Variants in ADGRD1 observed in about 807,000 individuals in gnomAD.
ADGRD1 encodes G-protein coupled receptor 133.
A neutral mutation model predicts 113.4 loss-of-function variants in ADGRD1; 77 were observed. That is an observed-to-expected ratio of 0.68 (90% confidence interval 0.57 to 0.82). The LOEUF is 0.82. ADGRD1 is among the 40% of genes least tolerant of loss of function. The pLI is 0.00. For synonymous variants in ADGRD1, 474 were observed against 475.0 expected (o/e 1.00, Z 0.03); for missense variants, 1,036 against 1,139.1 (o/e 0.91, Z 1.30).
intron 12 of ADGRD1, among the ~76,000 whole-genome samples, chr12:131,011,331 C>G (rs191750978): frequency 6.6e-6 from 1 of 151,754 alleles, no homozygotes; most frequent in South Asian, 2.1e-4. Context: ...CACGTGTTCC[C>G]GGAGCGGAAT....
Position 130,982,047 on chromosome 12 carries a change from C to G in ADGRD1, c.474C>G (p.Ala158=). 1 of 1,613,594 alleles carries G rather than the reference C, an allele frequency of 6.2e-7. No homozygotes were observed. Among genetic ancestry groups the G allele is most frequent in the Non-Finnish European group, 8.5e-7 (1 of 1,179,782 alleles). The change falls in exon 5 of 25, where the codon GCC becomes GCG. Residue 158 remains alanine (A), a synonymous_variant. Transcript: ENST00000261654. The stretch of plus-strand genomic sequence containing the variant: ...GGGACAATTCCATGACATGGGAGGC[C>G]TCCTTCAGCCCCCCAGGTGAGTGAC... ...YTRDNSMTWE[A]SFSPPGPYWT...
intron 17 of ADGRD1, 50 bp downstream of exon 17, chr12:131,105,915 C>G: frequency 1.5e-6 from 2 of 1,331,672 alleles, no homozygotes; most frequent in South Asian, 2.5e-5. Flanking sequence ...CTTGCCTCCT[C>G]GGATGTCACC....
chr12:130,964,052 T>C (rs879419867), intron 2 of ADGRD1, among the ~76,000 whole-genome samples: 13 of 152,204 alleles, frequency 8.5e-5, no homozygotes, highest in Non-Finnish European at 1.9e-4. Context: ...TATTTATACG[T>C]AATTTTTATT....
At chr12:131,048,800 G>C (rs1045202331) in intron 13 of ADGRD1, among the ~76,000 whole-genome samples, 3 of 152,222 alleles carry the variant, frequency 2.0e-5, no homozygotes, top group African/African-American at 7.2e-5. Flanking sequence ...CCAGGAGCCA[G>C]GTCCCTCCTG....
chr12:131,008,898 G>A (rs963555719), intron 12 of ADGRD1, among the ~76,000 whole-genome samples: 7 of 152,212 alleles, frequency 4.6e-5, no homozygotes, highest in Non-Finnish European at 8.8e-5. Flanking sequence ...AGGTGGACCC[G>A]GCTCAGCGTG....
chr12:130,979,464 G>A lies in ADGRD1; in HGVS notation c.311-2420G>A, dbSNP rs144000328. Among the ~76,000 whole-genome samples the A allele has an allele frequency of 3.2e-3, 484 of 152,268 alleles. 1 individual carries two copies. The highest frequency in any genetic ancestry group is 0.011 in the African/African-American group (455 of 41,544). On this transcript the variant is annotated intron_variant, in intron 4 of 24. Transcript: ENST00000261654. Reference sequence around the variant, plus strand: ...TCTAACAGATATGTTAATTCATAAGGCATCACAGAAAGCATGGTGGGCAAT... The same window carrying A: ...TCTAACAGATATGTTAATTCATAAGACATCACAGAAAGCATGGTGGGCAAT...
rs966290657 is a variant in ADGRD1, at chr12:131,075,476, C to T, written c.1474-1325C>T. 1.3e-5 allele frequency among the ~76,000 whole-genome samples: 2 copies of T among 152,140 alleles called. No homozygotes were observed. Among genetic ancestry groups the T allele is most frequent in the African/African-American group, 4.8e-5 (2 of 41,426 alleles). On this transcript the variant is annotated intron_variant, in intron 13 of 24. Transcript: ENST00000261654. This position sits in a 1 kb window ranked among gnomAD's most constrained non-coding sequence, Gnocchi z 5.3. Reference sequence around the variant, plus strand: ...GTCTTTTCCAGGCGGTTTTAAGAGACCCTGTGATGGATTAAAATAACCCTA... The same window carrying T: ...GTCTTTTCCAGGCGGTTTTAAGAGATCCTGTGATGGATTAAAATAACCCTA...
At chr12:131,055,409 C>G (rs1883774819) in intron 13 of ADGRD1, among the ~76,000 whole-genome samples, 1 of 152,202 alleles carries the variant, frequency 6.6e-6, no homozygotes, top group Non-Finnish European at 1.5e-5. Context: ...TCGGGATGGG[C>G]TCATGTACAT....
chr12:131,044,902 T>C (rs1242939693), intron 13 of ADGRD1, among the ~76,000 whole-genome samples: 1 of 152,224 alleles, frequency 6.6e-6, no homozygotes, highest in East Asian at 1.9e-4. Flanking sequence ...ACCGCGTGGC[T>C]GCGCCGCGGT....
chr12:130,974,435 A>G (rs113759555), intron 4 of ADGRD1, among the ~76,000 whole-genome samples: 1 of 152,206 alleles, frequency 6.6e-6, no homozygotes, highest in African/African-American at 2.4e-5. Flanking sequence ...AAAGGAAAAT[A>G]TTCCCTAATA....
intron 20 of ADGRD1, 31 bp from the exon 21 acceptor site, chr12:131,131,690 GCCCC>G: frequency 6.9e-6 from 10 of 1,458,768 alleles, no homozygotes; most frequent in Non-Finnish European, 8.6e-6. Flanking sequence ...TGCAGCCCAG[GCCCC>G]CCTCACCTTC....
chr12:130,981,409 TC>T (rs1251803170), intron 4 of ADGRD1: 1 of 152,696 alleles, frequency 6.5e-6, no homozygotes, highest in Non-Finnish European at 1.5e-5. Context: ...CTGAGATGGT[TC>T]GTGTCTTTGT....
At position 131,041,938 on chromosome 12, in the gene ADGRD1, C is replaced by T. The variant is rs1056698251; in HGVS notation, c.1473+27598C>T. Among the ~76,000 whole-genome samples the T allele has an allele frequency of 1.3e-5, 2 of 152,068 alleles. No homozygotes were observed. The highest frequency in any genetic ancestry group is 2.9e-5 in the Non-Finnish European group (2 of 68,002). On this transcript the variant is annotated intron_variant, in intron 13 of 24. Transcript: ENST00000261654. This position sits in a 1 kb window ranked among gnomAD's most constrained non-coding sequence, Gnocchi z 4.4. ...CGGGTTTGTTATCCGAGTCCCCCTG[C>T]GAGGAGAAGGCGCCGATGACCTAGG...
rs746461245 is a variant in ADGRD1, at chr12:130,987,264, T to C, written c.660T>C (p.Tyr220=). Residue 220 remains tyrosine (Y), a synonymous_variant, in exon 6 of 25, where the codon TAT becomes TAC. Coordinates refer to ENST00000261654, the MANE Select transcript of ADGRD1 (RefSeq NM_198827.5). ...IGSEQDQAKC[Y]ENGAFDEFII... ...CTGAGCAGGACCAGGCCAAGTGTTA[T>C]GAGAACGGTGCTTTCGATGAGTTCA... 40 of 1,614,148 alleles carry C rather than the reference T, an allele frequency of 2.5e-5. No homozygotes were observed. The East Asian group carries it at 4.5e-4, about 18-fold the overall frequency.
At chr12:131,129,192 T>TC (rs1566136390) in intron 20 of ADGRD1, among the ~76,000 whole-genome samples, 2 of 74,688 alleles carry the variant, frequency 2.7e-5, no homozygotes, top group Admixed American at 1.3e-4. Flanking sequence ...CCCTGCTGTC[T>TC]GGTGTGAGTG....
At chr12:131,031,743 G>C (rs1593078009) in intron 13 of ADGRD1, among the ~76,000 whole-genome samples, 1 of 152,158 alleles carries the variant, frequency 6.6e-6, no homozygotes, top group East Asian at 1.9e-4. Context: ...GGGCCTGGGT[G>C]TCAACACCTT....
rs58363242 is a variant in ADGRD1 at position 131,020,038 on chromosome 12, G to A, written c.1473+5698G>A. On this transcript the variant is annotated intron_variant, in intron 13 of 24. Coordinates refer to ENST00000261654, the MANE Select transcript of ADGRD1 (RefSeq NM_198827.5). The stretch of plus-strand genomic sequence containing the variant: ...GCTCCATCCAGGGCAGGGGGTGCTC[G>A]AGGGAGATGTTCCAGGGAAGGACCC... Among the ~76,000 whole-genome samples, 2 of 113,994 alleles carry A rather than the reference G, an allele frequency of 1.8e-5. 1 individual carries two copies. The highest frequency in any genetic ancestry group is 6.8e-5 in the African/African-American group (2 of 29,590). The allele number at this position is 113,994 out of a possible 152,430, so 74.8% of individuals were successfully genotyped here. A position where few individuals can be genotyped will look rare whatever the true frequency, so the allele number is the denominator to read the frequency against.
rs1001840368 is a variant in ADGRD1, at chr12:130,965,450, G to A, written c.104-1013G>A. On this transcript the variant is annotated intron_variant, in intron 2 of 24. Transcript: ENST00000261654. The surrounding 1 kb of genome is among the most constrained non-coding windows in gnomAD (Gnocchi z 4.8). ...TGTCCTTTTCTATGATCTAGCAGTCGCTTGGGGCAGTTGATTATTGTTTAG... is the reference window on the plus strand; with the variant it reads ...TGTCCTTTTCTATGATCTAGCAGTCACTTGGGGCAGTTGATTATTGTTTAG... Among the ~76,000 whole-genome samples the A allele has an allele frequency of 7.2e-5, 11 of 152,064 alleles. No individual in the cohort carries two copies. The highest frequency in any genetic ancestry group is 2.2e-4 in the African/African-American group (9 of 41,454).
intron 8 of ADGRD1, among the ~76,000 whole-genome samples, chr12:130,997,102 C>T (rs374632917): frequency 0.3 from 33,229 of 110,192 alleles, 6,203 homozygotes; most frequent in African/African-American, 0.39. Flanking sequence ...AGGCACCCCT[C>T]ACCTCCTGGA....
Sources: allele counts gnomAD v4.1 joint callset (sites outside exome capture counted in the v4.1 genomes callset), GRCh38; gene constraint gnomAD v4.1.1; non-coding constraint Gnocchi (gnomAD v3.1); transcripts MANE v1.5; gene names NCBI Gene and HGNC (gene_info 2026-07-23, HGNC 2026-07-21).